VCPKMT: variants seen among roughly 807,000 people sequenced by gnomAD.
The protein encoded by VCPKMT is valosin containing protein lysine methyltransferase.
VCPKMT carries 32 observed loss-of-function variants against 28.6 expected under a neutral mutation model. The observed-to-expected ratio is 1.12, with a 90% CI of 0.84 to 1.50. The LOEUF (loss-of-function observed/expected upper bound fraction) is 1.50. VCPKMT is among the 40% of genes most tolerant of loss of function. VCPKMT has a pLI of 0.00. For synonymous variants in VCPKMT, 138 were observed against 111.4 expected (o/e 1.24, Z -1.50); for missense variants, 366 against 285.0 (o/e 1.28, Z -2.05).
chr14:50,106,296 T>C (rs2139423911), downstream of VCPKMT, among the ~76,000 whole-genome samples: 1 of 152,304 alleles, frequency 6.6e-6, no homozygotes, highest in East Asian at 1.9e-4. Context: ...CTTTCCCTAA[T>C]TGGCTATAAC....
At chr14:50,112,031 T>G in intron 5 of VCPKMT, 1 of 985,248 alleles carries the variant, frequency 1.0e-6, no homozygotes, top group Non-Finnish European at 1.2e-6. Context: ...TAAATTCTAC[T>G]TAATTGAGTG....
chr14:50,102,999 G>A, the VCPKMT span, among the ~76,000 whole-genome samples: 5 of 152,198 alleles, frequency 3.3e-5, no homozygotes, highest in South Asian at 2.1e-4. Flanking sequence ...ATCTTTGAAC[G>A]TGGACTAACA....
rs940549470 is a variant in VCPKMT at position 50,116,364 on chromosome 14, G to A, written c.189C>T (p.Ala63=). 4 of 1,613,062 alleles carry A rather than the reference G, an allele frequency of 2.5e-6. No individual in the cohort carries two copies. The highest frequency in any genetic ancestry group is 2.2e-5 in the East Asian group (1 of 44,868). The change falls in exon 1 of 6, where the codon GCC becomes GCT. Residue 63 remains alanine (A), a synonymous_variant. Coordinates refer to ENST00000395860, the MANE Select transcript of VCPKMT (RefSeq NM_024558.3). ...LETPEFSGDG[A]HALSRRSVLE... ...GCACCGACCGCCGGCTCAGCGCGTG[G>A]GCCCCGTCGCCAGAAAACTCGGGCG...
intron 5 of VCPKMT, chr14:50,112,148 C>T (rs1314216112): frequency 1.2e-6 from 1 of 825,182 alleles, no homozygotes; most frequent in Admixed American, 6.2e-5. Flanking sequence ...TAAAATCTCA[C>T]AGAGATAAAA....
intron 5 of VCPKMT, chr14:50,111,999 C>T: frequency 3.0e-6 from 3 of 985,194 alleles, no homozygotes; most frequent in Non-Finnish European, 3.6e-6. Context: ...GTAAAACATG[C>T]ACCAAGAAGC....
rs752244666 is a variant in VCPKMT, at chr14:50,116,539, A to G, written c.14T>C (p.Leu5Pro). ...CAGTGGGTCCTCCAGCGAGGACTCC[A>G]GCGTATCCGCCATTGCGCCCGGCAA... MADTLESSLEDPLRS... is the reference protein window; with the variant it reads MADTPESSLEDPLRS... Residue 5 changes from leucine (L) to proline (P), a missense_variant, in exon 1 of 6, where the codon CTG (leucine) becomes CCG (proline). By Grantham distance (98) the Leu-to-Pro change is moderately conservative. Coordinates refer to ENST00000395860, the MANE Select transcript of VCPKMT (RefSeq NM_024558.3). The G allele has an allele frequency of 1.9e-6, 3 of 1,610,308 alleles. No individual in the cohort carries two copies. Among genetic ancestry groups the G allele is most frequent in the Non-Finnish European group, 1.7e-6 (2 of 1,178,010 alleles).
intron 4 of VCPKMT, among the ~76,000 whole-genome samples, chr14:50,113,809 G>GGGGGGGGGGGGGGGGT (rs1566807810): frequency 2.5e-5 from 1 of 39,782 alleles, no homozygotes. Flanking sequence ...GGGGGGGGGG[G>GGGGGGGGGGGGGGGGT]TGACACTGAG....
the VCPKMT span, among the ~76,000 whole-genome samples, chr14:50,103,521 G>A: frequency 6.6e-6 from 1 of 152,102 alleles, no homozygotes; most frequent in Non-Finnish European, 1.5e-5. Flanking sequence ...ATTGAGTAAG[G>A]GTCCAGGGCG....
At chr14:50,113,084 T>C (rs772148771) in intron 4 of VCPKMT, among the ~76,000 whole-genome samples, 1 of 152,120 alleles carries the variant, frequency 6.6e-6, no homozygotes, top group African/African-American at 2.4e-5. Flanking sequence ...CCGCGCCTGG[T>C]CAGTGGTTAC....
At position 50,116,288 on chromosome 14, in the gene VCPKMT, C is replaced by A. The variant is rs1166147278; in HGVS notation, c.265G>T (p.Gly89Trp). 4 of 1,605,620 alleles carry A rather than the reference C, an allele frequency of 2.5e-6. No homozygotes were observed. Among genetic ancestry groups the A allele is most frequent in the African/African-American group, 2.7e-5 (2 of 74,780 alleles). Residue 89 changes from glycine (G) to tryptophan (W), a missense_variant and splice_region_variant, in exon 1 of 6, where the codon GGG (glycine) becomes TGG (tryptophan). Gly to Trp is a radical substitution (Grantham distance 184). Coordinates refer to ENST00000395860, the MANE Select transcript of VCPKMT (RefSeq NM_024558.3). ...GAVGLMAATL[G>W]ADVVVTDLEE... ...TCCCGCCCGCCCGCCAGCTCTTACC[C>A]GAGGGTAGCAGCCATGAGCCCCACG...
downstream of VCPKMT, chr14:50,108,554 CTA>C: frequency 1.1e-6 from 1 of 950,866 alleles, no homozygotes; most frequent in Non-Finnish European, 1.3e-6. Context: ...CTTAATGTCT[CTA>C]AATAGGGCTG....
In VCPKMT at chr14:50,112,393, G is replaced by GA. The variant is rs1491164359; in HGVS notation, c.675+221dup. 3.0e-3 allele frequency among the ~76,000 whole-genome samples: 167 copies of GA among 56,410 alleles called. 17 individuals are homozygous for GA. The highest frequency in any genetic ancestry group is 3.4e-3 in the Non-Finnish European group (108 of 31,488). The allele number at this position is 56,410 out of a possible 152,430, so 37.0% of individuals were successfully genotyped here. On this transcript the variant is annotated intron_variant, in intron 5 of 5. Coordinates refer to ENST00000395860, the MANE Select transcript of VCPKMT (RefSeq NM_024558.3). ...AAACGTGTCTCTACTTAAAAAATACGAGAAAAAAAAAAAAAAAAAAAAAAA... is the reference window on the plus strand; with the variant it reads ...AAACGTGTCTCTACTTAAAAAATACGAAGAAAAAAAAAAAAAAAAAAAAAAA...
chr14:50,109,796 A>G, intron 5 of VCPKMT, 83 bp from the exon 6 acceptor site: 1 of 1,479,236 alleles, frequency 6.8e-7, no homozygotes, highest in South Asian at 1.3e-5. Context: ...AATATGCCTC[A>G]TAATGCCTAG....
intron 5 of VCPKMT, chr14:50,111,662 G>A (rs987368640): frequency 2.1e-6 from 2 of 963,056 alleles, no homozygotes; most frequent in African/African-American, 3.5e-5. Flanking sequence ...CAGGTCACTG[G>A]AGTCCAGGAG....
chr14:50,111,473 A>G (rs1382008219), intron 5 of VCPKMT: 10 of 985,352 alleles, frequency 1.0e-5, no homozygotes, highest in Non-Finnish European at 1.2e-5. Context: ...TAATCAAAGC[A>G]AAGATGATAG....
At chr14:50,112,121 G>A (rs1385099155) in intron 5 of VCPKMT, 1 of 932,712 alleles carries the variant, frequency 1.1e-6, no homozygotes, top group African/African-American at 1.8e-5. Context: ...AGTTCACAAA[G>A]GTAAGAGCAG....
At chr14:50,106,346 G>C (rs1882317856), downstream of VCPKMT, among the ~76,000 whole-genome samples, 1 of 152,190 alleles carries the variant, frequency 6.6e-6, no homozygotes, top group Non-Finnish European at 1.5e-5. Context: ...ATTGTGCAGA[G>C]GCAACCCACA....
chr14:50,115,324 G>A (rs1021152656), intron 3 of VCPKMT, among the ~76,000 whole-genome samples: 5 of 151,960 alleles, frequency 3.3e-5, no homozygotes, highest in African/African-American at 1.2e-4. Flanking sequence ...GGCTAATTTT[G>A]TATTTTTAGT....
At position 50,108,896 on chromosome 14, in the gene VCPKMT, T is replaced by C; in HGVS notation, c.*803A>G. On this transcript the variant is annotated 3_prime_UTR_variant, in exon 6 of 6. Transcript: ENST00000395860. ...GCTTCATGTAAACAATACCAGTATT[T>C]TTAAGCCAGATTTTCCTGGAACATA... 2 of 985,480 alleles carry C rather than the reference T, an allele frequency of 2.0e-6. No individual in the cohort carries two copies. Among genetic ancestry groups the C allele is most frequent in the Non-Finnish European group, 2.4e-6 (2 of 829,938 alleles). 61.0% of individuals were successfully genotyped at this position (985,480 alleles called of 1,614,324 possible).
Sources: gnomAD v4.1 joint callset for allele counts (sites outside exome capture counted in the v4.1 genomes callset) on GRCh38, gnomAD v4.1.1 for gene constraint, MANE v1.5 for transcripts, NCBI Gene and HGNC (gene_info 2026-07-23, HGNC 2026-07-21) for gene names.